The following MELK variants were observed in gnomAD, a reference collection of about 807,000 sequenced individuals.
The protein encoded by MELK is pEg3 kinase.
In MELK, 81 loss-of-function variants were observed where a neutral mutation model predicts 85.0. The observed-to-expected ratio is 0.95, with a 90% confidence interval of 0.80 to 1.15. MELK has a LOEUF of 1.15. Ranked by LOEUF, MELK falls within the 50% of genes most tolerant of loss-of-function variation. MELK has a pLI of 0.00. For synonymous variants in MELK, 252 were observed against 265.0 expected (o/e 0.95, Z 0.48); for missense variants, 754 against 777.5 (o/e 0.97, Z 0.36).
rs1261991909 is a variant in MELK, at chr9:36,615,375, CGGCT to C, written c.666+7706_666+7709del. Among the ~76,000 whole-genome samples, 92 of 130,188 alleles carry C rather than the reference CGGCT, an allele frequency of 7.1e-4. 1 individual carries two copies. The highest frequency in any genetic ancestry group is 2.7e-3 in the African/African-American group (83 of 31,098). The allele number at this position is 130,188 out of a possible 152,430, so 85.4% of individuals were successfully genotyped here. A position where few individuals can be genotyped will look rare whatever the true frequency, so the allele number is the denominator to read the frequency against. On this transcript the variant is annotated intron_variant, in intron 8 of 17. Coordinates refer to ENST00000298048, the MANE Select transcript of MELK (RefSeq NM_014791.4). ...CCCCCCACCTCCCTCCCGGTCGGCA[CGGCT>C]GGCCGGGCGGGGGGCTGACCCCCCC...
intron 7 of MELK, among the ~76,000 whole-genome samples, chr9:36,603,391 T>C (rs529679661): frequency 6.6e-6 from 1 of 152,190 alleles, no homozygotes; most frequent in Non-Finnish European, 1.5e-5. Context: ...TCAGTAATTT[T>C]TCATGGGAAA....
At chr9:36,632,755 T>G (rs1328467927) in intron 9 of MELK, among the ~76,000 whole-genome samples, 1 of 152,240 alleles carries the variant, frequency 6.6e-6, no homozygotes, top group Non-Finnish European at 1.5e-5. Context: ...TGCCCTGCAT[T>G]GTGGCTGCTT....
intron 4 of MELK, among the ~76,000 whole-genome samples, chr9:36,593,837 G>T (rs562284859): frequency 4.6e-5 from 7 of 151,976 alleles, no homozygotes; most frequent in African/African-American, 1.7e-4. Context: ...GATTACAGGC[G>T]CCCGCCACCA....
chr9:36,627,478 T>G (rs536395105), intron 8 of MELK, among the ~76,000 whole-genome samples: 1 of 151,822 alleles, frequency 6.6e-6, no homozygotes, highest in Non-Finnish European at 1.5e-5. Flanking sequence ...ATTCCCTTTA[T>G]CGAAAGCACT....
chr9:36,624,956 G>A (rs1827794322), intron 8 of MELK, among the ~76,000 whole-genome samples: 1 of 152,154 alleles, frequency 6.6e-6, no homozygotes, highest in East Asian at 1.9e-4. Flanking sequence ...GGGAGGTGAT[G>A]TGAAGCAGCT....
At chr9:36,638,972 G>T (rs547793149) in intron 10 of MELK, among the ~76,000 whole-genome samples, 1 of 152,186 alleles carries the variant, frequency 6.6e-6, no homozygotes, top group African/African-American at 2.4e-5. Context: ...CAGGGCCCAC[G>T]TCCTGTGTAT....
intron 11 of MELK, among the ~76,000 whole-genome samples, chr9:36,647,512 TG>T (rs1830325523): frequency 1.3e-5 from 2 of 150,940 alleles, no homozygotes; most frequent in African/African-American, 4.9e-5. Context: ...TTTTTTGAGA[TG>T]GAGTCTCCCT....
rs7045012 is a variant in MELK at position 36,629,015 on chromosome 9, C to T, written c.667-1284C>T. On this transcript the variant is annotated intron_variant, in intron 8 of 17. Coordinates refer to ENST00000298048, the MANE Select transcript of MELK (RefSeq NM_014791.4). ...CCTAGTAGGTGGGACTACAGGTGCC[C>T]GCCACCATGCCCAGCTAATTTTTGT... 1.9e-3 allele frequency among the ~76,000 whole-genome samples: 286 copies of T among 151,550 alleles called. 2 individuals are homozygous for T. Among genetic ancestry groups the T allele is most frequent in the African/African-American group, 6.4e-3 (265 of 41,290 alleles).
chr9:36,653,634 G>A (rs1174626498), intron 12 of MELK, among the ~76,000 whole-genome samples: 1 of 152,062 alleles, frequency 6.6e-6, no homozygotes, highest in Non-Finnish European at 1.5e-5. Flanking sequence ...ATTAATTCAG[G>A]TTGCAATGTA....
intron 4 of MELK, among the ~76,000 whole-genome samples, chr9:36,589,992 G>A (rs1318525923): frequency 7.1e-6 from 1 of 141,206 alleles, no homozygotes; most frequent in Non-Finnish European, 1.5e-5. Flanking sequence ...TGCCATCTCT[G>A]CTCACTGCAC....
intron 2 of MELK, among the ~76,000 whole-genome samples, chr9:36,582,830 T>G (rs932234843): frequency 6.6e-6 from 1 of 152,134 alleles, no homozygotes; most frequent in Admixed American, 6.6e-5. Flanking sequence ...GGAGTTGCCC[T>G]TTGTTGAAAG....
At chr9:36,616,234 A>C (rs1015570905) in intron 8 of MELK, among the ~76,000 whole-genome samples, 6 of 152,174 alleles carry the variant, frequency 3.9e-5, no homozygotes, top group Non-Finnish European at 8.8e-5. Context: ...ACATATATAG[A>C]TTCATATAAC....
Position 36,665,428 on chromosome 9 carries a change from A to G in MELK, c.1255A>G (p.Lys419Glu), listed in dbSNP as rs931549512. The G allele has an allele frequency of 1.2e-6, 2 of 1,613,678 alleles. No individual in the cohort carries two copies. Among genetic ancestry groups the G allele is most frequent in the Non-Finnish European group, 1.7e-6 (2 of 1,179,672 alleles). Reference protein sequence around the residue: ...TPALCRTPANKLKNKENVYTP... With the variant: ...TPALCRTPANELKNKENVYTP... The stretch of plus-strand genomic sequence containing the variant: ...AGCCTTATGCAGAACACCTGCAAAT[A>G]AATTAAAGAACAAAGAAAATGTATA... Residue 419 changes from lysine (K) to glutamate (E), a missense_variant, in exon 14 of 18, where the codon AAA becomes GAA. Transcript: ENST00000298048.
chr9:36,585,505 T>C (rs1332569979), intron 3 of MELK, among the ~76,000 whole-genome samples: 3 of 151,932 alleles, frequency 2.0e-5, no homozygotes, highest in Non-Finnish European at 4.4e-5. Context: ...CAGGATTTCA[T>C]CATGTTGGTC....
chr9:36,575,417 A>T (rs1017913755), intron 1 of MELK, among the ~76,000 whole-genome samples: 2 of 152,222 alleles, frequency 1.3e-5, no homozygotes, highest in Non-Finnish European at 2.9e-5. Context: ...ATTCACAAAG[A>T]TTTACAAATC....
chr9:36,580,164 A>G (rs2134915878), intron 1 of MELK, among the ~76,000 whole-genome samples: 1 of 148,832 alleles, frequency 6.7e-6, no homozygotes, highest in East Asian at 2.0e-4. Flanking sequence ...AAGTAGGTGG[A>G]ACTACAGGCG....
intron 12 of MELK, among the ~76,000 whole-genome samples, chr9:36,652,273 C>A (rs1404166469): frequency 2.6e-5 from 4 of 151,068 alleles, no homozygotes; most frequent in African/African-American, 9.7e-5. Flanking sequence ...TCTCAAACTC[C>A]TGACCTCAAG....
intron 8 of MELK, among the ~76,000 whole-genome samples, chr9:36,627,524 C>CTT (rs150933274): frequency 0.094 from 12,664 of 134,380 alleles, 722 homozygotes; most frequent in African/African-American, 0.14. Context: ...CTCTCTCTCT[C>CTT]TTTTTTTTTT....
rs564986420 is a variant in MELK, at chr9:36,661,821, C to T, written c.1177-3529C>T. Reference sequence around the variant, plus strand: ...GCATGGTGGCGGGCACCTCTAGTCCCAGTTACTTGGGAGGCTGAGGCAGGA... The same window carrying T: ...GCATGGTGGCGGGCACCTCTAGTCCTAGTTACTTGGGAGGCTGAGGCAGGA... On this transcript the variant is annotated intron_variant, in intron 13 of 17. Coordinates refer to ENST00000298048, the MANE Select transcript of MELK (RefSeq NM_014791.4). Among the ~76,000 whole-genome samples the T allele has an allele frequency of 2.4e-4, 36 of 151,622 alleles. 1 individual carries two copies. In the South Asian group the frequency reaches 7.5e-3, roughly 32 times the overall value.
Sources: allele counts gnomAD v4.1 joint callset (sites outside exome capture counted in the v4.1 genomes callset), GRCh38; gene constraint gnomAD v4.1.1; transcripts MANE v1.5; gene names NCBI Gene and HGNC (gene_info 2026-07-23, HGNC 2026-07-21).